MMP14: variants seen among roughly 807,000 people sequenced by gnomAD.
The protein encoded by MMP14 is matrix metalloproteinase-14.
Under a neutral mutation model 64.8 loss-of-function variants are expected in MMP14, and 13 were observed. The ratio of observed to expected loss-of-function variants is 0.20; its 90% CI spans 0.13 to 0.32. MMP14 has a LOEUF of 0.32. MMP14 is among the 10% of genes least tolerant of loss of function. The pLI is 1.00. For synonymous variants in MMP14, 322 were observed against 315.9 expected (o/e 1.02, Z -0.20); for missense variants, 594 against 783.8 (o/e 0.76, Z 2.89).
intron 1 of MMP14, among the ~76,000 whole-genome samples, chr14:22,838,276 C>G (rs759382750): frequency 6.6e-6 from 1 of 152,186 alleles, no homozygotes; most frequent in Non-Finnish European, 1.5e-5. Context: ...GCCTGAGCAT[C>G]TGGGGAGCTG....
chr14:22,841,575 A>G lies in MMP14; in HGVS notation c.193A>G (p.Ile65Val), dbSNP rs1308214782. Reference sequence around the variant, plus strand: ...CTCACCCCAGTCACTCTCAGCGGCCATCGCTGCCATGCAGAAGTTTTACGG... The same window carrying G: ...CTCACCCCAGTCACTCTCAGCGGCCGTCGCTGCCATGCAGAAGTTTTACGG... Reference protein sequence around the residue: ...QRSPQSLSAAIAAMQKFYGLQ... With the variant: ...QRSPQSLSAAVAAMQKFYGLQ... The change falls in exon 2 of 10, where the codon ATC (isoleucine) becomes GTC (valine). Residue 65 changes from isoleucine (I) to valine (V), a missense_variant. Ile to Val is a conservative substitution (Grantham distance 29). Transcript: ENST00000311852. 2 of 1,614,030 alleles carry G rather than the reference A, an allele frequency of 1.2e-6. No homozygotes were observed. The highest frequency in any genetic ancestry group is 1.7e-6 in the Non-Finnish European group (2 of 1,180,016).
Position 22,836,883 on chromosome 14 carries a change from C to T in MMP14, c.66C>T (p.Leu22=). 2 of 1,613,814 alleles carry T rather than the reference C, an allele frequency of 1.2e-6. No individual in the cohort carries two copies. The highest frequency in any genetic ancestry group is 1.1e-5 in the South Asian group (1 of 91,066). ...LLPLLTLGTA[L]ASLGSAQSSS... ...CCCTGCTCACGCTCGGCACCGCGCT[C>T]GCCTCCCTCGGCTCGGCCCAAAGCA... The change falls in exon 1 of 10, where the codon CTC becomes CTT. Residue 22 remains leucine (L), a synonymous_variant. Transcript: ENST00000311852.
intron 1 of MMP14, among the ~76,000 whole-genome samples, chr14:22,841,072 C>T (rs2039769687): frequency 1.3e-5 from 2 of 152,242 alleles, no homozygotes; most frequent in African/African-American, 2.4e-5. Context: ...TAGTAGAGCT[C>T]ACTCAGCCTG....
chr14:22,841,754 C>A, intron 2 of MMP14, 115 bp downstream of exon 2: 1 of 1,547,398 alleles, frequency 6.5e-7, no homozygotes, highest in South Asian at 1.2e-5. Context: ...TATCTCATCC[C>A]CACGTGCTGA....
At chr14:22,838,574 T>C (rs1471662478) in intron 1 of MMP14, among the ~76,000 whole-genome samples, 3 of 152,172 alleles carry the variant, frequency 2.0e-5, no homozygotes, top group Non-Finnish European at 2.9e-5. Flanking sequence ...ATCTCTCTCA[T>C]TCGCAAAGAC....
In MMP14 at chr14:22,843,667, C is replaced by T. The variant is rs545049079; in HGVS notation, c.851-43C>T. ...CCATCTGTCTGTCCTTCCGTCCCCG[C>T]CTCCTCCTAAGTCTGAAATGCCCCT... On this transcript the variant is annotated intron_variant, in intron 5 of 9. Coordinates refer to ENST00000311852, the MANE Select transcript of MMP14 (RefSeq NM_004995.4). The surrounding 1 kb of genome is among the most constrained non-coding windows in gnomAD (Gnocchi z 4.8). 8.9e-6 allele frequency: 14 copies of T among 1,564,734 alleles called. 1 individual carries two copies. Among genetic ancestry groups the T allele is most frequent in the African/African-American group, 4.1e-5 (3 of 72,568 alleles).
At chr14:22,839,499 C>T (rs1469038982) in intron 1 of MMP14, among the ~76,000 whole-genome samples, 1 of 152,224 alleles carries the variant, frequency 6.6e-6, no homozygotes. Context: ...CTCTCAGAGC[C>T]TCAGAGCTAG....
At chr14:22,840,741 A>T (rs1595013781) in intron 1 of MMP14, among the ~76,000 whole-genome samples, 1 of 152,114 alleles carries the variant, frequency 6.6e-6, no homozygotes, top group Admixed American at 6.5e-5. Context: ...CGATCTCCTG[A>T]CCTCGTGATC....
At chr14:22,841,718 C>A (rs768525972) in intron 2 of MMP14, 79 bp downstream of exon 2, 1 of 1,585,940 alleles carries the variant, frequency 6.3e-7, no homozygotes, top group Non-Finnish European at 8.6e-7. Context: ...TACCTGAATG[C>A]CTGGCTTGTG....
chr14:22,844,905 C>T, intron 8 of MMP14, 125 bp downstream of exon 8: 1 of 1,351,552 alleles, frequency 7.4e-7, no homozygotes, highest in Middle Eastern at 2.3e-4. Flanking sequence ...GCTGGCTGAG[C>T]CTCTGCTGTT....
Position 22,843,115 on chromosome 14 carries a change from A to C in MMP14, c.689-142A>C. 1.1e-6 allele frequency: 1 copy of C among 912,004 alleles called. No homozygotes were observed. Among genetic ancestry groups the C allele is most frequent in the Non-Finnish European group, 1.6e-6 (1 of 613,432 alleles). The allele number at this position is 912,004 out of a possible 1,614,324, so 56.5% of individuals were successfully genotyped here. On this transcript the variant is annotated intron_variant, in intron 4 of 9. Coordinates refer to ENST00000311852, the MANE Select transcript of MMP14 (RefSeq NM_004995.4). The surrounding 1 kb of genome is among the most constrained non-coding windows in gnomAD (Gnocchi z 4.8). Reference sequence around the variant, plus strand: ...GCTTTGTGCTTAAATACCAGATAAAAAGCTAGACCTCAGAATTTGGCCACT... The same window carrying C: ...GCTTTGTGCTTAAATACCAGATAAACAGCTAGACCTCAGAATTTGGCCACT...
rs1403655464 is a variant in MMP14, at chr14:22,845,861, T to C, written c.1571T>C (p.Val524Ala). The C allele has an allele frequency of 4.3e-6, 7 of 1,613,898 alleles. No homozygotes were observed. Among genetic ancestry groups the C allele is most frequent in the Non-Finnish European group, 5.9e-6 (7 of 1,179,962 alleles). Residue 524 changes from valine (V) to alanine (A), a missense_variant, in exon 10 of 10, where the codon GTG becomes GCG. Physicochemically the swap from Val to Ala is moderately conservative, Grantham distance 64. Transcript: ENST00000311852. ...GAGGGGACTGAGGAGGAGACGGAGG[T>C]GATCATCATTGAGGTGGACGAGGAG... ...PDEGTEEETE[V>A]IIIEVDEEGG...
chr14:22,840,581 T>C (rs2039766088), intron 1 of MMP14, among the ~76,000 whole-genome samples: 1 of 151,766 alleles, frequency 6.6e-6, no homozygotes, highest in African/African-American at 2.4e-5. Flanking sequence ...CAATCTCAGC[T>C]CGCTGCAAGC....
chr14:22,842,182 C>T lies in MMP14; in HGVS notation c.380+147C>T, dbSNP rs17884588. 645 of 1,184,484 alleles carry T rather than the reference C, an allele frequency of 5.4e-4. 3 individuals are homozygous for T. The African/African-American group carries it at 8.7e-3, about 16-fold the overall frequency. The allele number at this position is 1,184,484 out of a possible 1,614,324, so 73.4% of individuals were successfully genotyped here. On this transcript the variant is annotated intron_variant, in intron 3 of 9. Coordinates refer to ENST00000311852, the MANE Select transcript of MMP14 (RefSeq NM_004995.4). This position sits in a 1 kb window ranked among gnomAD's most constrained non-coding sequence, Gnocchi z 5.3. ...GAGTGGGGAGGAAAATGGCTCTCAT[C>T]CTTGAGAGAGGTGTAGCCATCAAGG...
At chr14:22,841,380 C>T (rs1318185225) in intron 1 of MMP14, 111 bp from the exon 2 acceptor site, 6 of 1,393,800 alleles carry the variant, frequency 4.3e-6, no homozygotes, top group Non-Finnish European at 5.9e-6. Flanking sequence ...AGCTGGGAAC[C>T]CACTGCCCTT....
At chr14:22,845,426 A>G in intron 9 of MMP14, 60 bp downstream of exon 9, 1 of 1,275,638 alleles carries the variant, frequency 7.8e-7, no homozygotes. Context: ...GTTGAGGAAG[A>G]GCGGGAGGGA....
chr14:22,841,923 C>T lies in MMP14; in HGVS notation c.268C>T (p.Arg90Cys). The T allele has an allele frequency of 6.2e-7, 1 of 1,614,188 alleles. No individual in the cohort carries two copies. Among genetic ancestry groups the T allele is most frequent in the Non-Finnish European group, 8.5e-7 (1 of 1,180,028 alleles). ...CCAAACCCACTCCAGGGCCATGAGG[C>T]GCCCCCGATGTGGTGTTCCAGACAA... Reference protein sequence around the residue: ...ADADTMKAMRRPRCGVPDKFG... With the variant: ...ADADTMKAMRCPRCGVPDKFG... Residue 90 changes from arginine to cysteine, a missense_variant, in exon 3 of 10, where the codon CGC (arginine) becomes TGC (cysteine). Arg to Cys is a radical substitution (Grantham distance 180). Transcript: ENST00000311852.
rs1380572930 is a variant in MMP14, at chr14:22,844,451, G to A, written c.1092G>A (p.Leu364=). The A allele has an allele frequency of 6.2e-7, 1 of 1,614,014 alleles. No individual in the cohort carries two copies. The highest frequency in any genetic ancestry group is 8.5e-7 in the Non-Finnish European group (1 of 1,180,022). ...CCATTGGCCAGTTCTGGCGGGGCCTGCCTGCGTCCATCAACACTGCCTACG... is the reference window on the plus strand; with the variant it reads ...CCATTGGCCAGTTCTGGCGGGGCCTACCTGCGTCCATCAACACTGCCTACG... The part of the protein sequence containing the change: ...PMPIGQFWRG[L]PASINTAYER... Residue 364 remains leucine, a synonymous_variant, in exon 7 of 10, where the codon CTG becomes CTA. Transcript: ENST00000311852.
Position 22,846,181 on chromosome 14 carries a change from G to A in MMP14, c.*142G>A, listed in dbSNP as rs536679421. 6.0e-6 allele frequency: 5 copies of A among 830,818 alleles called. No homozygotes were observed. Among genetic ancestry groups the A allele is most frequent in the Non-Finnish European group, 9.1e-6 (5 of 551,330 alleles). 51.5% of individuals were successfully genotyped at this position (830,818 alleles called of 1,614,324 possible). A position where few individuals can be genotyped will look rare whatever the true frequency, so the allele number is the denominator to read the frequency against. On this transcript the variant is annotated 3_prime_UTR_variant, in exon 10 of 10. Transcript: ENST00000311852. ...CTTGCTTCTCTCTGTCCCCTGGCTG[G>A]CCTCCTTCACCCTGACCGCCTCCCT...
Sources: gnomAD v4.1 joint callset for allele counts (sites outside exome capture counted in the v4.1 genomes callset) on GRCh38, gnomAD v4.1.1 for gene constraint, Gnocchi (gnomAD v3.1) non-coding constraint, MANE v1.5 for transcripts, NCBI Gene and HGNC (gene_info 2026-07-23, HGNC 2026-07-21) for gene names.